NCAM2: variants seen among roughly 807,000 people sequenced by gnomAD.
NCAM2 encodes neural cell adhesion molecule 2.
NCAM2 carries 30 observed loss-of-function variants against 98.1 expected under a neutral mutation model. The ratio of observed to expected loss-of-function variants is 0.31; its 90% CI spans 0.23 to 0.41. The LOEUF (loss-of-function observed/expected upper bound fraction) is 0.41. Ranked by LOEUF, NCAM2 falls within the 10% of genes least tolerant of loss-of-function variation. The pLI, the probability that NCAM2 is intolerant of heterozygous loss-of-function variation, is 1.00. For synonymous variants in NCAM2, 368 were observed against 342.4 expected (o/e 1.07, Z -0.83); for missense variants, 867 against 1,005.8 (o/e 0.86, Z 1.87).
At chr21:21,252,813 T>G (rs1224020701) in intron 1 of NCAM2, among the ~76,000 whole-genome samples, 1 of 152,112 alleles carries the variant, frequency 6.6e-6, no homozygotes, top group Non-Finnish European at 1.5e-5. Flanking sequence ...CTCCCCTGAT[T>G]TCCTTCCTTC....
intron 16 of NCAM2, among the ~76,000 whole-genome samples, chr21:21,518,205 A>G (rs961534787): frequency 2.6e-5 from 4 of 152,136 alleles, no homozygotes; most frequent in Non-Finnish European, 5.9e-5. Context: ...AGCCTTTTTC[A>G]ACTTTACTAG....
intron 1 of NCAM2, among the ~76,000 whole-genome samples, chr21:21,246,418 C>A (rs965819158): frequency 4.6e-5 from 7 of 151,496 alleles, no homozygotes; most frequent in African/African-American, 1.7e-4. Context: ...GGATGAGAGA[C>A]AAATTGATAG....
At chr21:21,197,134 CGTTTTTGTTTT>C (rs1190675093) in intron 1 of NCAM2, among the ~76,000 whole-genome samples, 1 of 151,938 alleles carries the variant, frequency 6.6e-6, no homozygotes, top group Non-Finnish European at 1.5e-5. Flanking sequence ...ATTTTTGTTT[CGTTTTTGTTTT>C]TTGAGACAGA....
At chr21:21,225,485 T>C (rs925800969) in intron 1 of NCAM2, among the ~76,000 whole-genome samples, 4 of 152,122 alleles carry the variant, frequency 2.6e-5, no homozygotes, top group African/African-American at 9.7e-5. Context: ...CGGCAGTTTA[T>C]AGAATTTCTC....
At chr21:21,316,063 A>G (rs561213039) in intron 5 of NCAM2, among the ~76,000 whole-genome samples, 42 of 152,280 alleles carry the variant, frequency 2.8e-4, no homozygotes, top group South Asian at 8.3e-4. Flanking sequence ...TGATCACTTC[A>G]GTGTGACTTT....
chr21:21,252,505 A>G (rs1568836380), intron 1 of NCAM2, among the ~76,000 whole-genome samples: 1 of 152,070 alleles, frequency 6.6e-6, no homozygotes, highest in East Asian at 1.9e-4. Flanking sequence ...AATCAATTAT[A>G]GAATATGCCA....
At chr21:21,325,418 A>T in intron 6 of NCAM2, among the ~76,000 whole-genome samples, 1 of 152,138 alleles carries the variant, frequency 6.6e-6, no homozygotes. Flanking sequence ...TCAACTTTCA[A>T]CCCTTTGTTT....
chr21:21,274,665 A>AT (rs2072656565), intron 1 of NCAM2, among the ~76,000 whole-genome samples: 1 of 152,170 alleles, frequency 6.6e-6, no homozygotes, highest in Admixed American at 6.5e-5. Context: ...ATACTCTGAG[A>AT]TTTTCTATAA....
chr21:21,296,485 A>G (rs2826776), intron 5 of NCAM2, among the ~76,000 whole-genome samples: 99,454 of 151,534 alleles, frequency 0.66, 33,306 homozygotes, highest in Non-Finnish European at 0.74. Context: ...AGGAATAAGA[A>G]CAATGGTGTG....
chr21:21,347,443 A>C (rs1464678360), intron 8 of NCAM2, among the ~76,000 whole-genome samples: 1 of 152,082 alleles, frequency 6.6e-6, no homozygotes, highest in African/African-American at 2.4e-5. Flanking sequence ...TAACCAAAAC[A>C]GCATGGTACA....
intron 8 of NCAM2, among the ~76,000 whole-genome samples, chr21:21,354,927 T>C (rs1214832692): frequency 6.6e-6 from 1 of 152,152 alleles, no homozygotes; most frequent in East Asian, 1.9e-4. Flanking sequence ...TCTGCTAAAG[T>C]GAAATAATAA....
At chr21:21,437,090 A>C (rs1026988055) in intron 12 of NCAM2, among the ~76,000 whole-genome samples, 1 of 152,020 alleles carries the variant, frequency 6.6e-6, no homozygotes, top group African/African-American at 2.4e-5. Context: ...CAACTTTTAA[A>C]TGGAAACTAA....
At chr21:21,217,167 T>G (rs994646317) in intron 1 of NCAM2, among the ~76,000 whole-genome samples, 5 of 152,130 alleles carry the variant, frequency 3.3e-5, no homozygotes, top group African/African-American at 7.2e-5. Context: ...AGACAAGAAG[T>G]AAACAGTATA....
intron 1 of NCAM2, among the ~76,000 whole-genome samples, chr21:21,274,365 A>G (rs1315804430): frequency 1.3e-5 from 2 of 152,164 alleles, no homozygotes; most frequent in African/African-American, 4.8e-5. Context: ...AACAATAAAA[A>G]TAATTTTTAA....
chr21:21,131,162 T>A (rs1006219757), intron 1 of NCAM2, among the ~76,000 whole-genome samples: 2 of 152,128 alleles, frequency 1.3e-5, no homozygotes, highest in Non-Finnish European at 2.9e-5. Context: ...TAGACATTTC[T>A]AACTGATCAT....
intron 1 of NCAM2, among the ~76,000 whole-genome samples, chr21:21,177,219 G>A (rs1270005250): frequency 8.2e-6 from 1 of 121,958 alleles, no homozygotes; most frequent in African/African-American, 3.1e-5. Context: ...TACTAATTCA[G>A]TGCTAGCAAA....
chr21:21,064,218 C>A (rs191874937), intron 1 of NCAM2, among the ~76,000 whole-genome samples: 1 of 152,128 alleles, frequency 6.6e-6, no homozygotes, highest in African/African-American at 2.4e-5. Context: ...CCACTGAGGG[C>A]GTGCTAAGAA....
At chr21:21,152,946 A>G (rs1409802928) in intron 1 of NCAM2, among the ~76,000 whole-genome samples, 3 of 151,924 alleles carry the variant, frequency 2.0e-5, no homozygotes, top group Non-Finnish European at 2.9e-5. Flanking sequence ...TAGCACATAG[A>G]AACCACTGTG....
intron 1 of NCAM2, among the ~76,000 whole-genome samples, chr21:21,162,723 G>T (rs1310245080): frequency 1.3e-5 from 2 of 152,056 alleles, no homozygotes; most frequent in Non-Finnish European, 2.9e-5. Flanking sequence ...TCTTGGTGAT[G>T]ATTGGCATGT....
Sources: allele counts gnomAD v4.1 joint callset (sites outside exome capture counted in the v4.1 genomes callset), GRCh38; gene constraint gnomAD v4.1.1; transcripts MANE v1.5; gene names NCBI Gene and HGNC (gene_info 2026-07-23, HGNC 2026-07-21).